Variants in GABRG3 observed in about 807,000 individuals in gnomAD.
GABRG3 encodes the protein gamma-aminobutyric acid receptor subunit gamma-3.
GABRG3 carries 25 observed loss-of-function variants against 48.8 expected under a neutral mutation model. That is an observed-to-expected ratio of 0.51 (90% confidence interval 0.37 to 0.72). GABRG3 has a LOEUF of 0.72. Ranked by LOEUF, GABRG3 falls within the 30% of genes least tolerant of loss-of-function variation. The probability of loss-of-function intolerance (pLI) is 0.00; values close to 1 mark genes in which losing one functional copy is unlikely to be tolerated. For missense variants in GABRG3, 394 were observed against 577.9 expected (o/e 0.68, Z 3.26); for synonymous variants, 227 against 217.6 (o/e 1.04, Z -0.38).
intron 2 of GABRG3, among the ~76,000 whole-genome samples, chr15:27,017,660 G>A (rs76670324): frequency 0.052 from 7,879 of 152,268 alleles, 276 homozygotes; most frequent in East Asian, 0.18. Context: ...GGTACTTGGC[G>A]GGAGGCACTC....
rs1158077758 is a variant in GABRG3, at chr15:27,541,645, CCCG to C, written c.*8767_*8769del. The C allele has an allele frequency of 5.3e-5, 8 of 152,308 alleles. No homozygotes were observed. The highest frequency in any genetic ancestry group is 1.2e-4 in the Non-Finnish European group (8 of 68,120). 9.4% of individuals were successfully genotyped at this position (152,308 alleles called of 1,614,324 possible). A position where few individuals can be genotyped will look rare whatever the true frequency, so the allele number is the denominator to read the frequency against. ...CGTGCGCCTCCTGCCCCAGCAGGGA[CCCG>C]CCCTCACCAAGTGGCCTCCAGTAGC... On this transcript the variant is annotated 3_prime_UTR_variant, in exon 10 of 10. Transcript: ENST00000615808.
intron 3 of GABRG3, among the ~76,000 whole-genome samples, chr15:27,229,234 T>C (rs1042905258): frequency 3.3e-5 from 5 of 152,198 alleles, no homozygotes; most frequent in African/African-American, 4.8e-5. Flanking sequence ...CTTGAGTTGA[T>C]TCTTGTATAT....
intron 1 of GABRG3, 27 bp downstream of exon 1, chr15:26,971,615 G>T: frequency 6.6e-7 from 1 of 1,520,252 alleles, no homozygotes; most frequent in Non-Finnish European, 8.8e-7. Flanking sequence ...CCGCATCCCC[G>T]GAGGCCCCGA....
At chr15:27,145,215 A>G (rs1439171666) in intron 3 of GABRG3, among the ~76,000 whole-genome samples, 2 of 152,170 alleles carry the variant, frequency 1.3e-5, no homozygotes, top group African/African-American at 4.8e-5. Context: ...AAGTTCAGTC[A>G]TTGGACTTCT....
At chr15:27,392,614 T>C (rs1203865190) in intron 5 of GABRG3, among the ~76,000 whole-genome samples, 2 of 152,228 alleles carry the variant, frequency 1.3e-5, no homozygotes, top group South Asian at 2.1e-4. Context: ...CTGCATACTT[T>C]AGAAGGAAGT....
chr15:27,079,819 G>A (rs1383315913), intron 3 of GABRG3, among the ~76,000 whole-genome samples: 2 of 152,188 alleles, frequency 1.3e-5, no homozygotes, highest in East Asian at 3.9e-4. Context: ...GCATCATTAA[G>A]ACCTCTAATG....
rs1468022866 is a variant in GABRG3, at chr15:27,313,278, A to G, written c.271-13531A>G. Among the ~76,000 whole-genome samples, 225 of 79,826 alleles carry G rather than the reference A, an allele frequency of 2.8e-3. 4 individuals are homozygous for G. Among genetic ancestry groups the G allele is most frequent in the East Asian group, 5.7e-3 (11 of 1,922 alleles). The allele number at this position is 79,826 out of a possible 152,430, so 52.4% of individuals were successfully genotyped here. A position where few individuals can be genotyped will look rare whatever the true frequency, so the allele number is the denominator to read the frequency against. On this transcript the variant is annotated intron_variant, in intron 3 of 9. Transcript: ENST00000615808. ...TGTGTGTGTGTATATATATATATAT[A>G]TATATATATATATATATATATATAT... is the stretch of plus-strand genomic sequence containing the variant.
At chr15:27,295,959 A>T in intron 3 of GABRG3, among the ~76,000 whole-genome samples, 1 of 152,138 alleles carries the variant, frequency 6.6e-6, no homozygotes, top group East Asian at 1.9e-4. Flanking sequence ...TTGATCTTCT[A>T]GCCTTGCCTT....
intron 3 of GABRG3, among the ~76,000 whole-genome samples, chr15:27,308,223 C>CATAT (rs202031656): frequency 0.15 from 2,121 of 14,398 alleles, 699 homozygotes; most frequent in Middle Eastern, 0.25. Flanking sequence ...CATATATAAA[C>CATAT]ATGTTTATAT....
chr15:27,326,766 T>G (rs1291569257), intron 3 of GABRG3, 43 bp from the exon 4 acceptor site: 1 of 1,464,780 alleles, frequency 6.8e-7, no homozygotes, highest in African/African-American at 1.4e-5. Flanking sequence ...TACAGAACAT[T>G]TATTAATAGA....
chr15:27,317,387 C>A (rs112731501), intron 3 of GABRG3, among the ~76,000 whole-genome samples: 2 of 152,280 alleles, frequency 1.3e-5, no homozygotes, highest in African/African-American at 2.4e-5. Context: ...CCAATGTAGT[C>A]GTGGCCTTCT....
At chr15:27,066,049 T>C (rs1477104240) in intron 3 of GABRG3, among the ~76,000 whole-genome samples, 1 of 152,228 alleles carries the variant, frequency 6.6e-6, no homozygotes, top group Non-Finnish European at 1.5e-5. Flanking sequence ...TGTTGCTCAA[T>C]GATAGCTGAA....
chr15:27,505,574 G>A (rs1228083864), intron 6 of GABRG3, among the ~76,000 whole-genome samples: 1 of 152,106 alleles, frequency 6.6e-6, no homozygotes, highest in Non-Finnish European at 1.5e-5. Flanking sequence ...TTCCTCTTTA[G>A]TGTGTTAATA....
chr15:27,039,823 G>A (rs1896243657), intron 3 of GABRG3, among the ~76,000 whole-genome samples: 1 of 152,182 alleles, frequency 6.6e-6, no homozygotes, highest in Non-Finnish European at 1.5e-5. Flanking sequence ...CCCGCGGTCC[G>A]CCATTGAGGT....
Position 27,514,567 on chromosome 15 carries a change from G to T in GABRG3, c.713-5405G>T, listed in dbSNP as rs1405032378. On this transcript the variant is annotated intron_variant, in intron 6 of 9. Coordinates refer to ENST00000615808, the MANE Select transcript of GABRG3 (RefSeq NM_033223.5). ...ATTAACTTGAAATCAACAGATTTTG[G>T]GTCTTAATTACATTTGCAAAATTTA... 3.3e-5 allele frequency among the ~76,000 whole-genome samples: 5 copies of T among 152,168 alleles called. No individual in the cohort carries two copies. The South Asian group carries it at 8.3e-4, about 25-fold the overall frequency.
At chr15:27,068,914 C>A (rs1268283134) in intron 3 of GABRG3, among the ~76,000 whole-genome samples, 1 of 152,210 alleles carries the variant, frequency 6.6e-6, no homozygotes, top group Non-Finnish European at 1.5e-5. Context: ...GATGATACCT[C>A]CTGTTCTGGG....
chr15:27,360,704 C>G (rs1179193282), intron 5 of GABRG3, among the ~76,000 whole-genome samples: 2 of 152,208 alleles, frequency 1.3e-5, no homozygotes, highest in Admixed American at 6.5e-5. Context: ...TACATAAGAT[C>G]TGCAAGGGCA....
chr15:27,123,847 C>G (rs566442992), intron 3 of GABRG3, among the ~76,000 whole-genome samples: 1 of 152,084 alleles, frequency 6.6e-6, no homozygotes, highest in Non-Finnish European at 1.5e-5. Flanking sequence ...AAGGGGAAGC[C>G]GAGGCCACTG....
intron 3 of GABRG3, among the ~76,000 whole-genome samples, chr15:27,299,753 G>A (rs1004536965): frequency 3.3e-5 from 5 of 152,128 alleles, no homozygotes; most frequent in African/African-American, 1.2e-4. Context: ...CTGCATGCTG[G>A]CTTTTCTCTC....
Sources: gnomAD v4.1 joint callset for allele counts (sites outside exome capture counted in the v4.1 genomes callset) on GRCh38, gnomAD v4.1.1 for gene constraint, MANE v1.5 for transcripts, NCBI Gene and HGNC (gene_info 2026-07-23, HGNC 2026-07-21) for gene names.